Variants in PCDH15 observed in about 807,000 individuals in gnomAD.
The protein encoded by PCDH15 is protocadherin-15.
PCDH15 carries 129 observed loss-of-function variants against 178.5 expected under a neutral mutation model. The observed-to-expected ratio is 0.72, with a 90% CI of 0.63 to 0.84. The LOEUF (loss-of-function observed/expected upper bound fraction) is 0.84. Among genes scored for constraint, PCDH15 ranks in the 40% least tolerant of loss-of-function variants. The pLI is 0.00. For missense variants in PCDH15, 2,230 were observed against 2,099.9 expected, an observed-to-expected ratio of 1.06 and a Z score of -1.21; for synonymous variants, 800 against 732.0, an observed-to-expected ratio of 1.09 and a Z score of -1.50.
chr10:53,822,755 A>C, intron 32 of PCDH15: 2 of 1,614,034 alleles, frequency 1.2e-6, no homozygotes, highest in Non-Finnish European at 1.7e-6. Flanking sequence ...AAGAGTCTGA[A>C]GAGAGAGATT....
At position 55,157,988 on chromosome 10, in the gene PCDH15, A is replaced by G. The variant is rs555689286; in HGVS notation, c.-80+8588T>C. On this transcript the variant is annotated intron_variant, in intron 2 of 5. Coordinates refer to the PCDH15 transcript ENST00000458638. ...TAAATAAATTAACATAAATACATAA[A>G]TATTGTGCAAACTATTGGTAAATTT... is the stretch of plus-strand genomic sequence containing the variant. Among the ~76,000 whole-genome samples, 831 of 148,736 alleles carry G rather than the reference A, an allele frequency of 5.6e-3. 5 individuals are homozygous for G. The highest frequency in any genetic ancestry group is 0.019 in the African/African-American group (779 of 40,156).
At chr10:53,960,026 T>C (rs1589632229) in intron 22 of PCDH15, among the ~76,000 whole-genome samples, 182 bp from the exon 23 acceptor site, 1 of 152,316 alleles carries the variant, frequency 6.6e-6, no homozygotes, top group East Asian at 1.9e-4. Context: ...TCTCACTTAA[T>C]CTTTACAATA....
rs1400103823 is a variant in PCDH15, at chr10:54,023,018, A to G, written c.2400T>C (p.His800=). 1.9e-6 allele frequency: 3 copies of G among 1,613,896 alleles called. No individual in the cohort carries two copies. Among genetic ancestry groups the G allele is most frequent in the Middle Eastern group, 1.6e-4 (1 of 6,084 alleles). The change falls in exon 19 of 38, where the codon CAT becomes CAC. Residue 800 remains histidine (H), a synonymous_variant. Coordinates refer to ENST00000644397, the MANE Select transcript of PCDH15 (RefSeq NM_001384140.1). ...CCTTGATGGCCAAGGTTAGAGTTGA[A>G]TGACGAGGGTGTACTGCTCCATCTG... ...VATDGAVHPR[H]STLTLAIKVL...
intron 2 of PCDH15, among the ~76,000 whole-genome samples, chr10:55,472,218 C>A (rs1264067792): frequency 6.6e-6 from 1 of 152,102 alleles, no homozygotes; most frequent in East Asian, 1.9e-4. Context: ...TTTAAAGGAA[C>A]CTCATCTAAG....
intron 2 of PCDH15, among the ~76,000 whole-genome samples, chr10:54,972,423 T>C (rs1838956653): frequency 6.6e-6 from 1 of 151,746 alleles, no homozygotes; most frequent in South Asian, 2.1e-4. Flanking sequence ...ACCTATAAGC[T>C]CAGCTACTCA....
At chr10:54,408,330 G>A (rs1404709240) in intron 3 of PCDH15, among the ~76,000 whole-genome samples, 4 of 151,838 alleles carry the variant, frequency 2.6e-5, no homozygotes, top group Admixed American at 1.3e-4. Flanking sequence ...TAAATATATG[G>A]GGATAAATGT....
intron 1 of PCDH15, among the ~76,000 whole-genome samples, chr10:54,775,601 C>T (rs1441789419): frequency 6.6e-6 from 1 of 152,076 alleles, no homozygotes; most frequent in African/African-American, 2.4e-5. Context: ...TTTTGTGTTC[C>T]TTAACAAATA....
chr10:54,374,721 T>C (rs1357101436), intron 4 of PCDH15, among the ~76,000 whole-genome samples: 2 of 152,008 alleles, frequency 1.3e-5, no homozygotes, highest in Admixed American at 6.6e-5. Context: ...AAATAAGACA[T>C]AAAAATAAAT....
intron 2 of PCDH15, among the ~76,000 whole-genome samples, chr10:55,362,601 A>G (rs944377162): frequency 4.6e-5 from 7 of 152,006 alleles, no homozygotes; most frequent in African/African-American, 1.7e-4. Flanking sequence ...TGATGGATAT[A>G]ATTTTTGGCC....
intron 2 of PCDH15, among the ~76,000 whole-genome samples, chr10:55,410,893 G>C (rs1405403207): frequency 6.6e-6 from 1 of 152,034 alleles, no homozygotes; most frequent in Non-Finnish European, 1.5e-5. Flanking sequence ...CATTATTGCT[G>C]CTGGTCTCAC....
At chr10:53,861,016 A>C (rs2079073764) in intron 27 of PCDH15, among the ~76,000 whole-genome samples, 1 of 152,124 alleles carries the variant, frequency 6.6e-6, no homozygotes, top group African/African-American at 2.4e-5. Context: ...GAATGTGCTA[A>C]TGTCTGGTTT....
chr10:54,539,425 A>G (rs2084946407), intron 2 of PCDH15, among the ~76,000 whole-genome samples: 1 of 152,200 alleles, frequency 6.6e-6, no homozygotes, highest in Non-Finnish European at 1.5e-5. Flanking sequence ...CAAAGACAAG[A>G]CTTAGTTATG....
chr10:54,497,295 C>T (rs976465272), intron 3 of PCDH15, among the ~76,000 whole-genome samples: 5 of 150,484 alleles, frequency 3.3e-5, no homozygotes, highest in Non-Finnish European at 5.9e-5. Flanking sequence ...CACAAATCCC[C>T]ATCCAAAGGA....
chr10:54,093,428 C>G (rs900765055), intron 15 of PCDH15, among the ~76,000 whole-genome samples: 1 of 152,122 alleles, frequency 6.6e-6, no homozygotes, highest in Non-Finnish European at 1.5e-5. Context: ...GTTCTGCAAT[C>G]TATGCATTAC....
chr10:54,282,464 G>A (rs2058758892), intron 8 of PCDH15, among the ~76,000 whole-genome samples: 1 of 152,068 alleles, frequency 6.6e-6, no homozygotes, highest in Non-Finnish European at 1.5e-5. Context: ...AAGGAAAGGA[G>A]CCCATTAGTC....
At chr10:55,002,224 T>C (rs556777878) in intron 2 of PCDH15, among the ~76,000 whole-genome samples, 37 of 152,322 alleles carry the variant, frequency 2.4e-4, no homozygotes, top group African/African-American at 7.0e-4. Flanking sequence ...TTATTTACTT[T>C]TAAATAATCT....
At chr10:54,708,816 G>A (rs1404772922) in intron 1 of PCDH15, among the ~76,000 whole-genome samples, 1 of 151,832 alleles carries the variant, frequency 6.6e-6, no homozygotes, top group Non-Finnish European at 1.5e-5. Context: ...GCGCGTGCGT[G>A]TGGTCATCTT....
chr10:55,626,382 G>A (rs118107660), intron 2 of PCDH15, among the ~76,000 whole-genome samples: 1,787 of 152,160 alleles, frequency 0.012, 21 homozygotes, highest in Non-Finnish European at 0.02. Flanking sequence ...GGATAAAACC[G>A]TCTAATATTA....
intron 14 of PCDH15, among the ~76,000 whole-genome samples, chr10:54,137,835 G>C (rs2133126949): frequency 6.6e-6 from 1 of 152,172 alleles, no homozygotes; most frequent in East Asian, 1.9e-4. Context: ...CTGAACCCCT[G>C]GTGTTCCTGT....
Sources: allele counts gnomAD v4.1 joint callset (sites outside exome capture counted in the v4.1 genomes callset), GRCh38; gene constraint gnomAD v4.1.1; transcripts MANE v1.5; gene names NCBI Gene and HGNC (gene_info 2026-07-23, HGNC 2026-07-21).